Variants in MAP2K4 observed in about 807,000 individuals in gnomAD.
The protein encoded by MAP2K4 is mitogen-activated protein kinase kinase 4.
Under a neutral mutation model 48.5 loss-of-function variants are expected in MAP2K4, and 4 were observed. The ratio of observed to expected loss-of-function variants is 0.08; its 90% CI spans 0.04 to 0.19. The LOEUF (loss-of-function observed/expected upper bound fraction) is 0.19. MAP2K4 is among the 10% of genes least tolerant of loss of function. The probability of loss-of-function intolerance (pLI) is 1.00; values close to 1 mark genes in which losing one functional copy is unlikely to be tolerated. For synonymous variants in MAP2K4, 166 were observed against 173.1 expected, an observed-to-expected ratio of 0.96 and a Z score of 0.32; for missense variants, 258 against 493.3, an observed-to-expected ratio of 0.52 and a Z score of 4.52.
intron 3 of MAP2K4, among the ~76,000 whole-genome samples, chr17:12,083,939 C>T (rs1971277848): frequency 6.6e-6 from 1 of 152,160 alleles, no homozygotes; most frequent in Non-Finnish European, 1.5e-5. Context: ...GAGAAACACG[C>T]TTGAAGTAAC....
intron 7 of MAP2K4, chr17:12,115,935 C>CA (rs1972479533): frequency 4.0e-6 from 2 of 499,348 alleles, no homozygotes; most frequent in South Asian, 3.6e-5. Flanking sequence ...CATCTTCTAA[C>CA]ACCAGCTATG....
Position 12,143,100 on chromosome 17 carries a change from G to C in MAP2K4, c.*1840G>C, listed in dbSNP as rs1973425585. 8.6e-6 allele frequency: 2 copies of C among 232,854 alleles called. No individual in the cohort carries two copies. Among genetic ancestry groups the C allele is most frequent in the Admixed American group, 5.6e-5 (1 of 17,760 alleles). The allele number at this position is 232,854 out of a possible 1,614,324, so 14.4% of individuals were successfully genotyped here. A position where few individuals can be genotyped will look rare whatever the true frequency, so the allele number is the denominator to read the frequency against. ...CTCCCCCACGGTATCCTAAACTTTA[G>C]ACTTCCCACTGTTCTGAAAGGAGAC... On this transcript the variant is annotated 3_prime_UTR_variant, in exon 11 of 11. Transcript: ENST00000353533.
At chr17:12,129,752 A>G (rs988017367) in intron 9 of MAP2K4, among the ~76,000 whole-genome samples, 1 of 152,232 alleles carries the variant, frequency 6.6e-6, no homozygotes, top group Non-Finnish European at 1.5e-5. Flanking sequence ...GGTCACATCC[A>G]CACGCAAAGT....
intron 2 of MAP2K4, among the ~76,000 whole-genome samples, chr17:12,078,131 C>A (rs759235784): frequency 5.3e-5 from 8 of 152,154 alleles, no homozygotes; most frequent in Non-Finnish European, 7.3e-5. Flanking sequence ...GAAATGTAGC[C>A]TTTTAGCTGG....
intron 2 of MAP2K4, among the ~76,000 whole-genome samples, chr17:12,070,606 GA>G (rs2151539369): frequency 6.6e-6 from 1 of 152,306 alleles, no homozygotes; most frequent in South Asian, 2.1e-4. Context: ...TTATTTGCAT[GA>G]TAGATGCAAT....
rs28921114 is a variant in MAP2K4, at chr17:12,141,985, T to TG, written c.*728dup. 0.021 allele frequency: 4,848 copies of TG among 233,360 alleles called. 59 individuals are homozygous for TG. Among genetic ancestry groups the TG allele is most frequent in the East Asian group, 0.061 (1,011 of 16,564 alleles). 14.5% of individuals were successfully genotyped at this position (233,360 alleles called of 1,614,324 possible). Reference sequence around the variant, plus strand: ...CTCCTTTACCAGTCCTATTTTTCAATGGGAAGACTCAGGAGTCTGCCACTT... The same window carrying TG: ...CTCCTTTACCAGTCCTATTTTTCAATGGGGAAGACTCAGGAGTCTGCCACTT... On this transcript the variant is annotated 3_prime_UTR_variant, in exon 11 of 11. Transcript: ENST00000353533.
intron 2 of MAP2K4, among the ~76,000 whole-genome samples, chr17:12,067,528 G>A (rs1010867058): frequency 2.0e-5 from 3 of 152,158 alleles, no homozygotes; most frequent in Admixed American, 2.0e-4. Context: ...CTGGTACAGC[G>A]GGCACTGCAG....
chr17:12,043,923 GC>G (rs1399614812), intron 1 of MAP2K4, among the ~76,000 whole-genome samples: 2 of 152,060 alleles, frequency 1.3e-5, no homozygotes, highest in African/African-American at 4.8e-5. Flanking sequence ...GTGTATGGGG[GC>G]GTGGCAGCTG....
rs745738737 is a variant in MAP2K4, at chr17:12,021,021, C to G, written c.115+20C>G. On this transcript the variant is annotated intron_variant, in intron 1 of 10. Transcript: ENST00000353533. Reference sequence around the variant, plus strand: ...TGCAGGGTAAGGAACGCGGCCGCGCCGAGATCCCAGCCCCCTAGCGCGGCA... The same window carrying G: ...TGCAGGGTAAGGAACGCGGCCGCGCGGAGATCCCAGCCCCCTAGCGCGGCA... The G allele has an allele frequency of 3.4e-6, 4 of 1,192,628 alleles. No individual in the cohort carries two copies. Among genetic ancestry groups the G allele is most frequent in the Admixed American group, 4.4e-5 (1 of 22,838 alleles). 73.9% of individuals were successfully genotyped at this position (1,192,628 alleles called of 1,614,324 possible).
At chr17:12,060,169 TAA>T (rs78476666) in intron 2 of MAP2K4, among the ~76,000 whole-genome samples, 3 of 144,200 alleles carry the variant, frequency 2.1e-5, no homozygotes, top group African/African-American at 5.1e-5. Context: ...CTGTCTCTAT[TAA>T]AAAAAAAAAA....
At chr17:12,069,068 G>A (rs1487989818) in intron 2 of MAP2K4, among the ~76,000 whole-genome samples, 1 of 152,146 alleles carries the variant, frequency 6.6e-6, no homozygotes, top group Non-Finnish European at 1.5e-5. Flanking sequence ...CAAACTGGTA[G>A]TGCATGATGT....
intron 9 of MAP2K4, among the ~76,000 whole-genome samples, chr17:12,135,919 G>A (rs1427568207): frequency 1.3e-5 from 2 of 152,164 alleles, no homozygotes; most frequent in Admixed American, 1.3e-4. Context: ...GAAGTTGACT[G>A]AAATTCAGGG....
rs547146557 is a variant in MAP2K4 at position 12,130,128 on chromosome 17, C to T, written c.1040+841C>T. On this transcript the variant is annotated intron_variant, in intron 9 of 10. Coordinates refer to ENST00000353533, the MANE Select transcript of MAP2K4 (RefSeq NM_003010.4). ...TCATAATTTTTTCCTGCTAAGAATG[C>T]GGTTTCTCCTCATTTTAGGTCTTAT... Among the ~76,000 whole-genome samples the T allele has an allele frequency of 8.1e-4, 124 of 152,228 alleles. 1 individual carries two copies. Among genetic ancestry groups the T allele is most frequent in the African/African-American group, 2.6e-3 (106 of 41,546 alleles).
chr17:12,071,488 A>G (rs1272058226), intron 2 of MAP2K4, among the ~76,000 whole-genome samples: 1 of 152,208 alleles, frequency 6.6e-6, no homozygotes, highest in Non-Finnish European at 1.5e-5. Context: ...CATAGGAGAA[A>G]GAGTACTAAA....
At chr17:12,123,658 T>C (rs968406263) in intron 7 of MAP2K4, among the ~76,000 whole-genome samples, 14 of 152,188 alleles carry the variant, frequency 9.2e-5, no homozygotes, top group Admixed American at 3.9e-4. Context: ...TTCTAATGTA[T>C]GCATTTTACA....
intron 2 of MAP2K4, among the ~76,000 whole-genome samples, chr17:12,065,238 TAAC>T (rs1167430051): frequency 6.8e-6 from 1 of 147,516 alleles, no homozygotes; most frequent in East Asian, 2.0e-4. Flanking sequence ...TCCTGAACAA[TAAC>T]AATTATATAT....
chr17:12,037,622 ATATAAGTT>A (rs1316031554), intron 1 of MAP2K4, among the ~76,000 whole-genome samples: 1 of 126,682 alleles, frequency 7.9e-6, no homozygotes, highest in African/African-American at 2.6e-5. Context: ...TATACAGTTT[ATATAAGTT>A]TATATATATA....
At chr17:12,060,032 G>T (rs926038404) in intron 2 of MAP2K4, among the ~76,000 whole-genome samples, 1 of 152,042 alleles carries the variant, frequency 6.6e-6, no homozygotes, top group Non-Finnish European at 1.5e-5. Flanking sequence ...GAAAAAATTA[G>T]CCACGTGTGA....
Position 12,135,998 on chromosome 17 carries a change from C to T in MAP2K4, c.1041-3841C>T, listed in dbSNP as rs1044885249. On this transcript the variant is annotated intron_variant, in intron 9 of 10. Coordinates refer to ENST00000353533, the MANE Select transcript of MAP2K4 (RefSeq NM_003010.4). ...GATAACCCAAGCAAATGTAGATTTG[C>T]CATCTAAATTCATATTGAATATGGT... is the stretch of plus-strand genomic sequence containing the variant. 1.9e-4 allele frequency among the ~76,000 whole-genome samples: 29 copies of T among 152,046 alleles called. 1 individual carries two copies. Among genetic ancestry groups the T allele is most frequent in the Admixed American group, 1.9e-3 (29 of 15,252 alleles).
Sources: allele counts gnomAD v4.1 joint callset (sites outside exome capture counted in the v4.1 genomes callset), GRCh38; gene constraint gnomAD v4.1.1; transcripts MANE v1.5; gene names NCBI Gene and HGNC (gene_info 2026-07-23, HGNC 2026-07-21).